Variants in ZNF536 observed in about 807,000 individuals in gnomAD.
ZNF536 encodes zinc finger protein 536.
Under a neutral mutation model 84.5 loss-of-function variants are expected in ZNF536, and 13 were observed. The ratio of observed to expected loss-of-function variants is 0.15; its 90% CI spans 0.10 to 0.24. ZNF536 has a LOEUF of 0.24. ZNF536 is among the 10% of genes least tolerant of loss of function. The probability of loss-of-function intolerance (pLI) is 1.00; values close to 1 mark genes in which losing one functional copy is unlikely to be tolerated. For synonymous variants in ZNF536, 811 were observed against 742.5 expected (o/e 1.09, Z -1.50); for missense variants, 1,536 against 1,747.5 (o/e 0.88, Z 2.16).
chr19:30,703,507 C>A (rs766372009), intron 1 of ZNF536, among the ~76,000 whole-genome samples: 1 of 152,194 alleles, frequency 6.6e-6, no homozygotes. Context: ...GTGAAATGCA[C>A]CTGTTAACAA....
intron 1 of ZNF536, among the ~76,000 whole-genome samples, chr19:30,432,137 G>A (rs2051500715): frequency 6.6e-6 from 1 of 151,992 alleles, no homozygotes; most frequent in African/African-American, 2.4e-5. Flanking sequence ...GAGAATTAGG[G>A]GGCTATCTCC....
intron 2 of ZNF536, among the ~76,000 whole-genome samples, chr19:30,325,786 G>A (rs1019840290): frequency 6.6e-6 from 1 of 152,170 alleles, no homozygotes; most frequent in Non-Finnish European, 1.5e-5. Context: ...TCACTGCTGA[G>A]TACCTCCAGA....
At chr19:30,420,480 G>C (rs2050907524) in intron 1 of ZNF536, among the ~76,000 whole-genome samples, 1 of 152,160 alleles carries the variant, frequency 6.6e-6, no homozygotes, top group South Asian at 2.1e-4. Flanking sequence ...TGCAATGTGG[G>C]ATTCAAAATC....
intron 1 of ZNF536, among the ~76,000 whole-genome samples, chr19:30,387,871 G>A (rs1350024941): frequency 6.6e-6 from 1 of 152,184 alleles, no homozygotes; most frequent in African/African-American, 2.4e-5. Context: ...ATGGGGTTGG[G>A]GAATGTTCTC....
At position 30,443,706 on chromosome 19, in the gene ZNF536, C is replaced by T. The variant is rs748565785; in HGVS notation, c.144C>T (p.Pro48=). 3.1e-6 allele frequency: 5 copies of T among 1,613,770 alleles called. No homozygotes were observed. The highest frequency in any genetic ancestry group is 4.5e-5 in the East Asian group (2 of 44,874). The change falls in exon 2 of 5, where the codon CCC becomes CCT. Residue 48 remains proline, a synonymous_variant. Coordinates refer to ENST00000355537, the MANE Select transcript of ZNF536 (RefSeq NM_014717.3). ...CCTCCCAGCTCAGCCATGCCTTCCC[C>T]GAGCTCCATCCCCGGCCCAACCCCG... The part of the protein sequence containing the change: ...QITSQLSHAF[P]ELHPRPNPEE...
intron 2 of ZNF536, among the ~76,000 whole-genome samples, chr19:30,518,166 C>T (rs1599664586): frequency 6.6e-6 from 1 of 152,292 alleles, no homozygotes; most frequent in South Asian, 2.1e-4. Flanking sequence ...ACGGTCCAGC[C>T]ATCACCTCGC....
At chr19:30,651,305 A>G (rs2049697160) in intron 1 of ZNF536, among the ~76,000 whole-genome samples, 2 of 152,208 alleles carry the variant, frequency 1.3e-5, no homozygotes, top group South Asian at 4.1e-4. Context: ...AAAGCGCCCC[A>G]GTTGGGCACT....
intron 2 of ZNF536, among the ~76,000 whole-genome samples, chr19:30,316,594 G>A (rs1442667347): frequency 6.6e-6 from 1 of 152,208 alleles, no homozygotes; most frequent in Non-Finnish European, 1.5e-5. Flanking sequence ...TGCTCAGGAT[G>A]GATAGGGTAG....
intron 2 of ZNF536, among the ~76,000 whole-genome samples, chr19:30,335,821 G>A (rs2047364972): frequency 6.6e-6 from 1 of 152,172 alleles, no homozygotes; most frequent in Non-Finnish European, 1.5e-5. Flanking sequence ...CCCTTCAGCT[G>A]CTGCAACTCA....
At chr19:30,314,952 C>A (rs1004296766) in intron 2 of ZNF536, among the ~76,000 whole-genome samples, 1 of 152,142 alleles carries the variant, frequency 6.6e-6, no homozygotes, top group African/African-American at 2.4e-5. Context: ...CAGGCCTTGG[C>A]CTAAATGGCA....
At chr19:30,427,409 T>A (rs4805566) in intron 1 of ZNF536, among the ~76,000 whole-genome samples, 101,383 of 152,030 alleles carry the variant, frequency 0.67, 34,358 homozygotes, top group African/African-American at 0.77. Context: ...TAGTTTGCCC[T>A]CAGGAAAAAC....
chr19:30,273,386 C>T (rs1190418900), intron 1 of ZNF536, among the ~76,000 whole-genome samples: 1 of 152,184 alleles, frequency 6.6e-6, no homozygotes, highest in African/African-American at 2.4e-5. Context: ...GCTCCATGTC[C>T]TCCTCAGCAT....
chr19:30,464,512 G>A (rs959873326), intron 2 of ZNF536, among the ~76,000 whole-genome samples: 1 of 152,054 alleles, frequency 6.6e-6, no homozygotes, highest in Admixed American at 6.5e-5. Context: ...AAGGTAGTGG[G>A]TTAGGGGAGT....
At chr19:30,460,730 G>A (rs2053094565) in intron 2 of ZNF536, among the ~76,000 whole-genome samples, 1 of 152,194 alleles carries the variant, frequency 6.6e-6, no homozygotes, top group East Asian at 1.9e-4. Context: ...GCACCCAAGA[G>A]GAAGGGAAGG....
chr19:30,504,210 C>G (rs2055063820), intron 2 of ZNF536, among the ~76,000 whole-genome samples: 1 of 151,580 alleles, frequency 6.6e-6, no homozygotes, highest in Non-Finnish European at 1.5e-5. Context: ...TCTTCCCTCC[C>G]TTCCTTCCCT....
upstream of ZNF536, among the ~76,000 whole-genome samples, chr19:30,367,536 A>G (rs961881456): frequency 1.3e-5 from 2 of 152,176 alleles, no homozygotes; most frequent in African/African-American, 2.4e-5. Flanking sequence ...GGCAAAGCCC[A>G]GGGCATGTGG....
Position 30,443,936 on chromosome 19 carries a change from G to A in ZNF536, c.374G>A (p.Arg125His), listed in dbSNP as rs866467288. 4.3e-6 allele frequency: 7 copies of A among 1,613,652 alleles called. No individual in the cohort carries two copies. The highest frequency in any genetic ancestry group is 2.2e-5 in the East Asian group (1 of 44,886). The change falls in exon 2 of 5, where the codon CGC becomes CAC. Residue 125 changes from arginine to histidine, a missense_variant. Physicochemically the swap from Arg to His is conservative, Grantham distance 29. This residue lies in a region of ZNF536 where 161 missense variants were observed against 178.5 expected (regional missense o/e 0.90). Coordinates refer to ENST00000355537, the MANE Select transcript of ZNF536 (RefSeq NM_014717.3). ...SQMSDIEDDA[R>H]KNRKYPCPLC... ...ATGAGCGACATCGAGGACGACGCCCGCAAGAACCGCAAGTACCCGTGCCCA... is the reference window on the plus strand; with the variant it reads ...ATGAGCGACATCGAGGACGACGCCCACAAGAACCGCAAGTACCCGTGCCCA...
chr19:30,411,240 C>T (rs2050483398), intron 1 of ZNF536, among the ~76,000 whole-genome samples: 1 of 152,158 alleles, frequency 6.6e-6, no homozygotes, highest in African/African-American at 2.4e-5. Flanking sequence ...ACAGGGTGCA[C>T]CAGTTTACTT....
chr19:30,499,036 T>C (rs190257726), intron 2 of ZNF536, among the ~76,000 whole-genome samples: 16 of 135,072 alleles, frequency 1.2e-4, no homozygotes, highest in East Asian at 1.1e-3. Flanking sequence ...TTTTCTTCTT[T>C]TTTTTTTTTT....
Sources: gnomAD v4.1 joint callset for allele counts (sites outside exome capture counted in the v4.1 genomes callset) on GRCh38, gnomAD v4.1.1 for gene constraint, gnomAD v4.1.1 regional missense constraint, MANE v1.5 for transcripts, NCBI Gene and HGNC (gene_info 2026-07-23, HGNC 2026-07-21) for gene names.